EPHA4: variants seen among roughly 807,000 people sequenced by gnomAD.
The protein encoded by EPHA4 is ephrin type-A receptor 4.
In EPHA4, 19 loss-of-function variants were observed where a neutral mutation model predicts 108.3. The ratio of observed to expected loss-of-function variants is 0.18; its 90% CI spans 0.12 to 0.26. The LOEUF (loss-of-function observed/expected upper bound fraction) is 0.26, where lower values mean the gene tolerates loss of function less well. Ranked by LOEUF, EPHA4 falls within the 10% of genes least tolerant of loss-of-function variation. The pLI, the probability that EPHA4 is intolerant of heterozygous loss-of-function variation, is 1.00. For missense variants in EPHA4, 917 were observed against 1,254.0 expected (o/e 0.73, Z 4.06); for synonymous variants, 449 against 455.5 (o/e 0.99, Z 0.18).
In EPHA4 at chr2:221,555,504, AC is replaced by A. The variant is rs35746891; in HGVS notation, c.823+8226del. On this transcript the variant is annotated intron_variant, in intron 3 of 17. Transcript: ENST00000281821. ...GTCTCCAAAGGGAGTTGTAAGCAGT[AC>A]CAACATGTGTGTTTCCCAGGAAAAA... 5.6e-3 allele frequency among the ~76,000 whole-genome samples: 848 copies of A among 152,346 alleles called. 5 individuals are homozygous for A. Among genetic ancestry groups the A allele is most frequent in the Non-Finnish European group, 0.01 (694 of 68,030 alleles).
At chr2:221,444,744 C>CTT (rs71266317) in intron 9 of EPHA4, among the ~76,000 whole-genome samples, 1,042 of 74,974 alleles carry the variant, frequency 0.014, 174 homozygotes, top group Non-Finnish European at 0.017. Context: ...TTTTTTCTAT[C>CTT]TTTTTTTTTT....
chr2:221,475,747 A>T (rs1437491417), intron 5 of EPHA4, among the ~76,000 whole-genome samples: 3 of 152,244 alleles, frequency 2.0e-5, no homozygotes, highest in Non-Finnish European at 4.4e-5. Flanking sequence ...TGAATTTTAT[A>T]TAATTTCCAA....
upstream of EPHA4, chr2:221,572,320 C>A (rs1694870290): frequency 5.7e-6 from 8 of 1,397,992 alleles, no homozygotes; most frequent in South Asian, 1.2e-5. Context: ...AGGAGAGCAG[C>A]GGGCTGAAGA....
At chr2:221,498,980 G>A (rs946216275) in intron 4 of EPHA4, among the ~76,000 whole-genome samples, 12 of 151,104 alleles carry the variant, frequency 7.9e-5, no homozygotes, top group African/African-American at 2.7e-4. Flanking sequence ...TAGTGGAGAC[G>A]GAGTTTTGCT....
intron 4 of EPHA4, among the ~76,000 whole-genome samples, chr2:221,500,619 TGAGCTGTCCTTTACA>T (rs1692458894): frequency 1.3e-5 from 2 of 152,224 alleles, no homozygotes; most frequent in South Asian, 4.1e-4. Context: ...CAGTGCACAC[TGAGCTGTCCTTTACA>T]GACTGAAACC....
intron 3 of EPHA4, among the ~76,000 whole-genome samples, chr2:221,542,262 T>A (rs546239691): frequency 6.6e-5 from 10 of 152,350 alleles, no homozygotes; most frequent in Admixed American, 2.0e-4. Context: ...AAAACTTAAC[T>A]GGATAATTAT....
At chr2:221,455,469 C>G in intron 8 of EPHA4, 78 bp downstream of exon 8, 1 of 1,132,072 alleles carries the variant, frequency 8.8e-7, no homozygotes, top group East Asian at 2.5e-5. Flanking sequence ...AAAGCCTTAG[C>G]TTTGTGTGGA....
chr2:221,455,756 A>G (rs1690928263), intron 7 of EPHA4, 98 bp from the exon 8 acceptor site: 2 of 807,446 alleles, frequency 2.5e-6, no homozygotes, highest in Non-Finnish European at 2.1e-6. Context: ...AGCCACTTGG[A>G]GAGAGAAAGA....
chr2:221,433,371 G>C (rs1690139417), intron 14 of EPHA4, among the ~76,000 whole-genome samples: 1 of 152,142 alleles, frequency 6.6e-6, no homozygotes, highest in African/African-American at 2.4e-5. Context: ...AAAAAATTAG[G>C]AAAGTTCGAA....
chr2:221,469,298 A>G (rs1316720061), intron 5 of EPHA4, among the ~76,000 whole-genome samples: 1 of 152,192 alleles, frequency 6.6e-6, no homozygotes, highest in Non-Finnish European at 1.5e-5. Flanking sequence ...GTTATAAACA[A>G]GTGACTAGGT....
chr2:221,570,864 C>A (rs1314020386), intron 1 of EPHA4, among the ~76,000 whole-genome samples: 1 of 150,512 alleles, frequency 6.6e-6, no homozygotes, highest in Non-Finnish European at 1.5e-5. Flanking sequence ...GATGCATGGA[C>A]GGACGGACGG....
At chr2:221,468,127 A>G (rs1009881161) in intron 5 of EPHA4, among the ~76,000 whole-genome samples, 1 of 152,252 alleles carries the variant, frequency 6.6e-6, no homozygotes, top group Admixed American at 6.5e-5. Context: ...CTCTTAGTTG[A>G]AATTATTTTA....
At chr2:221,463,705 T>C (rs1481283310) in intron 5 of EPHA4, among the ~76,000 whole-genome samples, 3 of 152,212 alleles carry the variant, frequency 2.0e-5, no homozygotes, top group African/African-American at 7.2e-5. Context: ...TTTTCTTTTA[T>C]TCACTTCCTC....
chr2:221,469,572 T>C (rs1691413817), intron 5 of EPHA4, among the ~76,000 whole-genome samples: 1 of 152,200 alleles, frequency 6.6e-6, no homozygotes, highest in Non-Finnish European at 1.5e-5. Context: ...TGGCTTTCAA[T>C]GGAGCCTGAA....
chr2:221,520,508 A>C (rs1693130125), intron 3 of EPHA4, among the ~76,000 whole-genome samples: 1 of 51,222 alleles, frequency 2.0e-5, no homozygotes, highest in Non-Finnish European at 5.8e-5. Context: ...TCCTCTAACC[A>C]CACACACACA....
At chr2:221,441,957 G>A (rs532295734) in intron 11 of EPHA4, among the ~76,000 whole-genome samples, 1 of 152,194 alleles carries the variant, frequency 6.6e-6, no homozygotes, top group African/African-American at 2.4e-5. Flanking sequence ...ACCCTCCTCC[G>A]ACTGCTCCCC....
chr2:221,427,818 C>T (rs558664396), intron 15 of EPHA4, among the ~76,000 whole-genome samples: 44 of 152,140 alleles, frequency 2.9e-4, no homozygotes, highest in African/African-American at 9.6e-4. Flanking sequence ...TAATCCAATT[C>T]GATTTTTAAA....
chr2:221,524,244 C>G, intron 3 of EPHA4, among the ~76,000 whole-genome samples: 1 of 152,306 alleles, frequency 6.6e-6, no homozygotes, highest in South Asian at 2.1e-4. Context: ...TTCTTAGCAC[C>G]AGTATCCAAC....
At chr2:221,502,523 C>T (rs1321018309) in intron 3 of EPHA4, 1 of 471,172 alleles carries the variant, frequency 2.1e-6, no homozygotes, top group Admixed American at 2.3e-5. Context: ...CGCAGCAGAT[C>T]TTACTGAAAT....
Sources: gnomAD v4.1 joint callset for allele counts (sites outside exome capture counted in the v4.1 genomes callset) on GRCh38, gnomAD v4.1.1 for gene constraint, MANE v1.5 for transcripts, NCBI Gene and HGNC (gene_info 2026-07-23, HGNC 2026-07-21) for gene names.